The following INPP4B variants were observed in gnomAD, a reference collection of about 807,000 sequenced individuals.
INPP4B encodes inositol polyphosphate-4-phosphatase type II B.
In INPP4B, 55 loss-of-function variants were observed where a neutral mutation model predicts 122.5. The observed-to-expected ratio is 0.45, with a 90% CI of 0.36 to 0.56. The LOEUF (loss-of-function observed/expected upper bound fraction) is 0.56, where lower values mean the gene tolerates loss of function less well. Among genes scored for constraint, INPP4B ranks in the 20% least tolerant of loss-of-function variants. The pLI, the probability that INPP4B is intolerant of heterozygous loss-of-function variation, is 0.00. For missense variants in INPP4B, 1,000 were observed against 1,097.7 expected, an observed-to-expected ratio of 0.91 and a Z score of 1.26; for synonymous variants, 403 against 388.7, an observed-to-expected ratio of 1.04 and a Z score of -0.43.
chr4:142,614,709 A>C (rs1743319601), intron 2 of INPP4B, among the ~76,000 whole-genome samples: 5 of 152,108 alleles, frequency 3.3e-5, no homozygotes. Flanking sequence ...AGAAACAACC[A>C]CATTAAAAAG....
chr4:142,651,833 A>G (rs753356587), intron 2 of INPP4B, among the ~76,000 whole-genome samples: 3 of 152,230 alleles, frequency 2.0e-5, no homozygotes, highest in Non-Finnish European at 2.9e-5. Context: ...AACTATTCTA[A>G]TCAACAGAAA....
chr4:142,418,303 A>G (rs1390277842), intron 5 of INPP4B, among the ~76,000 whole-genome samples: 3 of 152,158 alleles, frequency 2.0e-5, no homozygotes, highest in African/African-American at 4.8e-5. Flanking sequence ...AAGGGAATAT[A>G]TAAATATATT....
intron 7 of INPP4B, among the ~76,000 whole-genome samples, chr4:142,363,817 C>T (rs1786390538): frequency 6.6e-6 from 1 of 152,002 alleles, no homozygotes; most frequent in African/African-American, 2.4e-5. Context: ...TTCCAACATC[C>T]ATGAAAGATA....
intron 1 of INPP4B, among the ~76,000 whole-genome samples, chr4:142,781,359 A>G (rs548417971): frequency 9.2e-5 from 14 of 152,310 alleles, no homozygotes; most frequent in Non-Finnish European, 1.6e-4. Flanking sequence ...TCACCTCCCC[A>G]CATCCCACTG....
intron 7 of INPP4B, among the ~76,000 whole-genome samples, chr4:142,394,579 G>A (rs1264956378): frequency 2.6e-5 from 4 of 152,134 alleles, no homozygotes; most frequent in African/African-American, 9.7e-5. Flanking sequence ...GTGATGATGA[G>A]CATTTTTTTA....
intron 2 of INPP4B, chr4:142,654,457 C>T (rs1348621364): frequency 6.6e-6 from 1 of 151,010 alleles, no homozygotes; most frequent in East Asian, 1.9e-4. Context: ...TTCACACTTC[C>T]TTGCAGACAT....
intron 7 of INPP4B, among the ~76,000 whole-genome samples, chr4:142,327,411 A>G (rs185145495): frequency 1.8e-4 from 27 of 152,202 alleles, no homozygotes; most frequent in African/African-American, 6.3e-4. Flanking sequence ...GATTTACATA[A>G]TCAGCCTACA....
chr4:142,542,794 C>G (rs1420003467), intron 2 of INPP4B, among the ~76,000 whole-genome samples: 2 of 152,088 alleles, frequency 1.3e-5, no homozygotes, highest in Admixed American at 1.3e-4. Flanking sequence ...ACTAGATTGT[C>G]ATCTCCTAAT....
rs749826168 is a variant in INPP4B, at chr4:142,591,673, TA to T, written c.-190-128948del. On this transcript the variant is annotated intron_variant, in intron 2 of 25. Coordinates refer to ENST00000262992, the MANE Select transcript of INPP4B (RefSeq NM_001101669.3). ...TGGGAGGTCCTGACAAACACTGTCT[TA>T]TCCAAGTGATCCACATGATCCTCAA... 2.0e-4 allele frequency among the ~76,000 whole-genome samples: 31 copies of T among 152,256 alleles called. 1 individual carries two copies. Among genetic ancestry groups the T allele is most frequent in the Middle Eastern group, 6.8e-3 (2 of 294 alleles).
chr4:142,187,381 T>A (rs142127420), intron 15 of INPP4B, among the ~76,000 whole-genome samples: 12 of 152,114 alleles, frequency 7.9e-5, no homozygotes, highest in East Asian at 3.9e-4. Flanking sequence ...GGAGATAAAT[T>A]TTAGCTATAG....
At chr4:142,383,343 G>A (rs1794866212) in intron 7 of INPP4B, among the ~76,000 whole-genome samples, 1 of 152,012 alleles carries the variant, frequency 6.6e-6, no homozygotes, top group African/African-American at 2.4e-5. Flanking sequence ...CAGTCATACT[G>A]CTTATGTACC....
chr4:142,405,823 G>A (rs549368747), intron 5 of INPP4B, among the ~76,000 whole-genome samples: 1 of 152,100 alleles, frequency 6.6e-6, no homozygotes, highest in East Asian at 1.9e-4. Context: ...ACAGAAACAA[G>A]GAGAGCAGTT....
At chr4:142,031,445 A>G (rs1027130530) in intron 25 of INPP4B, among the ~76,000 whole-genome samples, 13 of 152,220 alleles carry the variant, frequency 8.5e-5, no homozygotes, top group Non-Finnish European at 4.4e-5. Flanking sequence ...AAATATCATA[A>G]TTATTTCATA....
chr4:142,614,638 C>G (rs79097738), intron 2 of INPP4B, among the ~76,000 whole-genome samples: 3,543 of 152,078 alleles, frequency 0.023, 54 homozygotes, highest in Middle Eastern at 0.088. Flanking sequence ...TATTTGAAAA[C>G]AATACTTCTG....
At chr4:142,097,227 T>TTATTTTATTTTATG (rs1396314621) in intron 23 of INPP4B, among the ~76,000 whole-genome samples, 1 of 135,130 alleles carries the variant, frequency 7.4e-6, no homozygotes. Flanking sequence ...TTATGTTATT[T>TTATTTTATTTTATG]TTATTTTATT....
At chr4:142,089,072 C>A (rs1013636318) in intron 23 of INPP4B, among the ~76,000 whole-genome samples, 7 of 152,190 alleles carry the variant, frequency 4.6e-5, no homozygotes, top group Admixed American at 2.0e-4. Flanking sequence ...GCCAGTACTG[C>A]AGAAACACGG....
chr4:142,544,839 T>C (rs1336850324), intron 2 of INPP4B, among the ~76,000 whole-genome samples: 1 of 152,166 alleles, frequency 6.6e-6, no homozygotes, highest in Non-Finnish European at 1.5e-5. Context: ...GTTACTGTAT[T>C]TTGTGTAGAA....
chr4:142,348,160 G>A (rs1780858760), intron 7 of INPP4B, among the ~76,000 whole-genome samples: 1 of 151,928 alleles, frequency 6.6e-6, no homozygotes. Context: ...GGGGTGAAGT[G>A]GACAACGGCA....
At chr4:142,195,554 C>A (rs566542496) in intron 14 of INPP4B, among the ~76,000 whole-genome samples, 1 of 152,278 alleles carries the variant, frequency 6.6e-6, no homozygotes, top group East Asian at 1.9e-4. Flanking sequence ...CGTCCAAATT[C>A]ATCAAGTTGT....
Sources: gnomAD v4.1 joint callset for allele counts (sites outside exome capture counted in the v4.1 genomes callset) on GRCh38, gnomAD v4.1.1 for gene constraint, MANE v1.5 for transcripts, NCBI Gene and HGNC (gene_info 2026-07-23, HGNC 2026-07-21) for gene names.